The following STK40 variants were observed in gnomAD, a reference collection of about 807,000 sequenced individuals.
STK40 encodes serine/threonine kinase 40.
A neutral mutation model predicts 47.9 loss-of-function variants in STK40; 13 were observed. The observed-to-expected ratio is 0.27, with a 90% CI of 0.18 to 0.43. The LOEUF is 0.43. Ranked by LOEUF, STK40 falls within the 20% of genes least tolerant of loss-of-function variation. The probability of loss-of-function intolerance (pLI) is 1.00; values close to 1 mark genes in which losing one functional copy is unlikely to be tolerated. For missense variants in STK40, 460 were observed against 595.1 expected (o/e 0.77, Z 2.36); for synonymous variants, 225 against 243.2 (o/e 0.93, Z 0.69).
At position 36,371,215 on chromosome 1, in the gene STK40, T is replaced by C. The variant is rs538483050; in HGVS notation, c.-8-9875A>G. On this transcript the variant is annotated intron_variant, in intron 1 of 10. Coordinates refer to ENST00000373132, the MANE Select transcript of STK40 (RefSeq NM_001282547.2). ...AAATCATCTCTAGATTTATAATACC[T>C]AATGCAACGGAAATGCTGTGTAGTT... Among the ~76,000 whole-genome samples, 217 of 147,398 alleles carry C rather than the reference T, an allele frequency of 1.5e-3. 1 individual carries two copies. The Middle Eastern group carries it at 0.027, about 19-fold the overall frequency.
rs904785181 is a variant in STK40 at position 36,342,298 on chromosome 1, C to T, written c.1090-325G>A. ...TGGCCCCTCGCAAAGGTTCTCTGAGCCCTGAGGCGGCTAATGCACGTCAAG... is the reference window on the plus strand; with the variant it reads ...TGGCCCCTCGCAAAGGTTCTCTGAGTCCTGAGGCGGCTAATGCACGTCAAG... On this transcript the variant is annotated intron_variant, in intron 10 of 10. Coordinates refer to ENST00000373132, the MANE Select transcript of STK40 (RefSeq NM_001282547.2). The T allele has an allele frequency of 1.4e-5, 5 of 361,190 alleles. No homozygotes were observed. The Admixed American group carries it at 2.1e-4, about 15-fold the overall frequency. 22.4% of individuals were successfully genotyped at this position (361,190 alleles called of 1,614,324 possible). A position where few individuals can be genotyped will look rare whatever the true frequency, so the allele number is the denominator to read the frequency against.
chr1:36,363,058 G>C (rs56005607), intron 1 of STK40, among the ~76,000 whole-genome samples: 14,703 of 152,190 alleles, frequency 0.097, 861 homozygotes, highest in Middle Eastern at 0.26. Context: ...TGGTGGCTGA[G>C]GCACGAGAAT....
chr1:36,348,550 C>T lies in STK40; in HGVS notation c.739+150G>A. 4.5e-6 allele frequency: 3 copies of T among 660,326 alleles called. No homozygotes were observed. In the East Asian group the frequency reaches 8.2e-5, roughly 18 times the overall value. The allele number at this position is 660,326 out of a possible 1,614,324, so 40.9% of individuals were successfully genotyped here. A position where few individuals can be genotyped will look rare whatever the true frequency, so the allele number is the denominator to read the frequency against. On this transcript the variant is annotated intron_variant, in intron 7 of 10. Transcript: ENST00000373132. ...CGTCTTCCACCTCCAACAGACCAAA[C>T]ATTTTGTATGGGGAGGGACAGTACT...
intron 1 of STK40, among the ~76,000 whole-genome samples, chr1:36,379,770 G>GA (rs1491100505): frequency 2.0e-5 from 3 of 152,034 alleles, no homozygotes; most frequent in Admixed American, 6.6e-5. Context: ...CTTGCTGGGG[G>GA]AAAAATAAGG....
At chr1:36,346,710 T>C (rs1465218846) in intron 7 of STK40, among the ~76,000 whole-genome samples, 1 of 152,208 alleles carries the variant, frequency 6.6e-6, no homozygotes, top group Non-Finnish European at 1.5e-5. Context: ...CCTCCAAGAC[T>C]GGCACGAGTC....
chr1:36,367,936 A>C, intron 1 of STK40: 1 of 975,516 alleles, frequency 1.0e-6, no homozygotes. Flanking sequence ...GTTGGAGGTG[A>C]AGTGTGGGTG....
chr1:36,382,376 G>A (rs533991513), intron 1 of STK40, among the ~76,000 whole-genome samples: 51 of 151,866 alleles, frequency 3.4e-4, no homozygotes, highest in East Asian at 1.9e-3. Context: ...GACGGGTTTC[G>A]CCATGTTGCC....
At chr1:36,378,872 T>C (rs1469961651) in intron 1 of STK40, among the ~76,000 whole-genome samples, 1 of 152,118 alleles carries the variant, frequency 6.6e-6, no homozygotes, top group Non-Finnish European at 1.5e-5. Context: ...GGAAGCGCCA[T>C]ACTTATTGCA....
rs1184230242 is a variant in STK40 at position 36,385,893 on chromosome 1, T to G, written c.-179A>C. 5.9e-6 allele frequency: 1 copy of G among 169,862 alleles called. No homozygotes were observed. The highest frequency in any genetic ancestry group is 1.2e-5 in the Non-Finnish European group (1 of 82,252). The allele number at this position is 169,862 out of a possible 1,614,324, so 10.5% of individuals were successfully genotyped here. A position where few individuals can be genotyped will look rare whatever the true frequency, so the allele number is the denominator to read the frequency against. ...CCGCCGCCGCCGCCGCCTCCCTCCA[T>G]GGCTGCGGCGCCGCCACCTGACAAC... On this transcript the variant is annotated 5_prime_UTR_variant, in exon 1 of 11. The change abolishes an upstream ATG in the 5' untranslated region. Transcript: ENST00000373132.
chr1:36,379,476 G>A (rs542306548), intron 1 of STK40, among the ~76,000 whole-genome samples: 26 of 151,758 alleles, frequency 1.7e-4, no homozygotes, highest in Admixed American at 8.5e-4. Context: ...CCGCCTCCTG[G>A]GTTCACGCCA....
rs1471543597 is a variant in STK40 at position 36,344,182 on chromosome 1, G to A, written c.822C>T (p.Phe274=). The A allele has an allele frequency of 1.2e-6, 2 of 1,613,130 alleles. No individual in the cohort carries two copies. Among genetic ancestry groups the A allele is most frequent in the Non-Finnish European group, 1.7e-6 (2 of 1,179,800 alleles). The change falls in exon 8 of 11, where the codon TTC becomes TTT. Residue 274 remains phenylalanine (F), a synonymous_variant. Transcript: ENST00000373132. Reference sequence around the variant, plus strand: ...AGAGCTCCTGCGGGATGCTGTCGTAGAAGGGGAACTGGCCATACAGCATGG... The same window carrying A: ...AGAGCTCCTGCGGGATGCTGTCGTAAAAGGGGAACTGGCCATACAGCATGG... The part of the protein sequence containing the change: ...LFTMLYGQFP[F]YDSIPQELFR...
In STK40 at chr1:36,340,942, T is replaced by G. The variant is rs566316339; in HGVS notation, c.*813A>C. The G allele has an allele frequency of 2.6e-5, 4 of 152,292 alleles. No homozygotes were observed. The highest frequency in any genetic ancestry group is 9.6e-5 in the African/African-American group (4 of 41,470). The allele number at this position is 152,292 out of a possible 1,614,324, so 9.4% of individuals were successfully genotyped here. ...AGAGAAGGGAACAGGTTAACGCGCG[T>G]GTACAGCACCTCAGAGAAGCCACTG... On this transcript the variant is annotated 3_prime_UTR_variant, in exon 11 of 11. Coordinates refer to ENST00000373132, the MANE Select transcript of STK40 (RefSeq NM_001282547.2).
chr1:36,345,316 C>T (rs1413379911), intron 7 of STK40, among the ~76,000 whole-genome samples: 3 of 152,228 alleles, frequency 2.0e-5, no homozygotes, highest in African/African-American at 4.8e-5. Flanking sequence ...GCAGTTTAAC[C>T]GGGAGAGGGT....
chr1:36,347,657 CT>C (rs563558488), intron 7 of STK40, among the ~76,000 whole-genome samples: 192 of 140,124 alleles, frequency 1.4e-3, no homozygotes, highest in Admixed American at 1.5e-3. Context: ...TTTTTTTTTT[CT>C]TTTTTTTTTT....
chr1:36,343,212 T>C, intron 10 of STK40, 152 bp downstream of exon 10: 1 of 869,862 alleles, frequency 1.1e-6, no homozygotes, highest in Non-Finnish European at 1.9e-6. Context: ...GGCTGAGGAC[T>C]GAAGTCTCCC....
rs1190182996 is a variant in STK40, at chr1:36,349,949, G to C, written c.624-1134C>G. ...GGAAGGAGAGCTCCATGGGGGCCTT[G>C]GGCTGCCTCTCCCTACAATCAGCTC... On this transcript the variant is annotated intron_variant, in intron 6 of 10. Coordinates refer to ENST00000373132, the MANE Select transcript of STK40 (RefSeq NM_001282547.2). 3.9e-5 allele frequency among the ~76,000 whole-genome samples: 6 copies of C among 152,280 alleles called. No individual in the cohort carries two copies. The East Asian group carries it at 1.2e-3, about 29-fold the overall frequency.
intron 4 of STK40, 21 bp from the exon 5 acceptor site, chr1:36,355,454 G>A (rs2124734192): frequency 3.1e-6 from 5 of 1,612,964 alleles, no homozygotes; most frequent in East Asian, 4.5e-5. Flanking sequence ...AGGGGGTAGC[G>A]CAGGGCTTGG....
chr1:36,355,119 C>T (rs1024990306), intron 5 of STK40, 87 bp downstream of exon 5: 6 of 1,373,010 alleles, frequency 4.4e-6, no homozygotes. Flanking sequence ...CACCTGGGTG[C>T]ACAGGACAGA....
At chr1:36,382,299 C>T (rs1647046423) in intron 1 of STK40, among the ~76,000 whole-genome samples, 1 of 152,084 alleles carries the variant, frequency 6.6e-6, no homozygotes, top group Admixed American at 6.6e-5. Context: ...TCCACCTCAG[C>T]CTCCCTAGTA....
Sources: gnomAD v4.1 joint callset for allele counts (sites outside exome capture counted in the v4.1 genomes callset) on GRCh38, gnomAD v4.1.1 for gene constraint, MANE v1.5 for transcripts, NCBI Gene and HGNC (gene_info 2026-07-23, HGNC 2026-07-21) for gene names.